The following ZSCAN4 variants were observed in gnomAD, a reference collection of about 807,000 sequenced individuals.
The protein encoded by ZSCAN4 is zinc finger and SCAN domain-containing protein 4.
A neutral mutation model predicts 18.3 loss-of-function variants in ZSCAN4; 18 were observed. The ratio of observed to expected loss-of-function variants is 0.98; its 90% CI spans 0.68 to 1.46. The LOEUF is 1.46. Ranked by LOEUF, ZSCAN4 falls within the 40% of genes most tolerant of loss-of-function variation. ZSCAN4 has a pLI of 0.00. For missense variants in ZSCAN4, 498 were observed against 511.4 expected (o/e 0.97, Z 0.25); for synonymous variants, 193 against 180.3 (o/e 1.07, Z -0.57).
chr19:57,660,075 T>C, the ZSCAN4 span, among the ~76,000 whole-genome samples: 1 of 152,196 alleles, frequency 6.6e-6, no homozygotes, highest in African/African-American at 2.4e-5. Flanking sequence ...GGTTCAGATG[T>C]CCTTTCCACA....
At position 57,678,339 on chromosome 19, in the gene ZSCAN4, G is replaced by C. The variant is rs146611683; in HGVS notation, c.736G>C (p.Ala246Pro). The C allele has an allele frequency of 3.0e-4, 490 of 1,614,034 alleles. No homozygotes were observed. Among genetic ancestry groups the C allele is most frequent in the Non-Finnish European group, 3.7e-4 (440 of 1,180,040 alleles). Reference sequence around the variant, plus strand: ...TGACAACCCATACAACTCAAAAAGAGCAGAGCTAGTCACTGCTAGATCTCA... The same window carrying C: ...TGACAACCCATACAACTCAAAAAGACCAGAGCTAGTCACTGCTAGATCTCA... The change falls in exon 5 of 5, where the codon GCA (alanine) becomes CCA (proline). Residue 246 changes from alanine to proline, a missense_variant. Physicochemically the swap from Ala to Pro is conservative, Grantham distance 27 (BLOSUM62 -1). Coordinates refer to ENST00000318203, the Ensembl canonical transcript of ZSCAN4.
chr19:57,652,741 G>A, the ZSCAN4 span, among the ~76,000 whole-genome samples: 7 of 152,266 alleles, frequency 4.6e-5, no homozygotes, highest in African/African-American at 9.6e-5. Context: ...TGTGGGAGAC[G>A]GCAGGGGCTG....
chr19:57,667,615 T>G (rs759456514), upstream of ZSCAN4, among the ~76,000 whole-genome samples: 1 of 152,232 alleles, frequency 6.6e-6, no homozygotes, highest in Non-Finnish European at 1.5e-5. Flanking sequence ...CTACTCTTAC[T>G]GATATCATCG....
the ZSCAN4 span, among the ~76,000 whole-genome samples, chr19:57,659,137 A>G: frequency 1.7e-3 from 257 of 152,256 alleles, 1 homozygote; most frequent in Admixed American, 4.1e-3. Context: ...TTTTCACTGT[A>G]AGTCCTACTA....
At chr19:57,664,065 A>T (rs1205640163), upstream of ZSCAN4, among the ~76,000 whole-genome samples, 2 of 152,190 alleles carry the variant, frequency 1.3e-5, no homozygotes, top group African/African-American at 4.8e-5. Flanking sequence ...CGGGAGGCGG[A>T]GGTTGCAGTA....
At chr19:57,673,176 G>C (rs12973350) in intron 2 of ZSCAN4, among the ~76,000 whole-genome samples, 52,330 of 151,850 alleles carry the variant, frequency 0.34, 9,335 homozygotes, top group Non-Finnish European at 0.39. Flanking sequence ...AGCCTACCGA[G>C]TAGCTGGAAT....
At chr19:57,669,322 G>T (rs1326051640) in intron 1 of ZSCAN4, 119 bp downstream of exon 1, 3 of 151,960 alleles carry the variant, frequency 2.0e-5, no homozygotes, top group African/African-American at 7.3e-5. Context: ...GCCTCCCAAA[G>T]TGCTGGGATT....
the ZSCAN4 span, among the ~76,000 whole-genome samples, chr19:57,653,787 G>A: frequency 2.1e-3 from 319 of 152,292 alleles, 11 homozygotes; most frequent in East Asian, 0.054. Flanking sequence ...GGGTCATTGG[G>A]CAAAAGCCTG....
intron 2 of ZSCAN4, among the ~76,000 whole-genome samples, chr19:57,674,832 A>G (rs1984127319): frequency 6.6e-6 from 1 of 151,688 alleles, no homozygotes; most frequent in Non-Finnish European, 1.5e-5. Context: ...TGTTTGAAAT[A>G]TTTTCTTTCC....
rs562133572 is a variant in ZSCAN4 at position 57,669,547 on chromosome 19, C to A, written c.-429+344C>A. ...GGTTCAAACAATTCTTCTGCTCAGC[C>A]TCCTGAATAGCTGGGACTACAGGCA... On this transcript the variant is annotated intron_variant, in intron 1 of 4. Transcript: ENST00000318203. Among the ~76,000 whole-genome samples, 8 of 152,272 alleles carry A rather than the reference C, an allele frequency of 5.3e-5. No homozygotes were observed. In the East Asian group the frequency reaches 1.5e-3, roughly 29 times the overall value.
Position 57,678,979 on chromosome 19 carries a change from A to G in ZSCAN4, c.*74A>G, listed in dbSNP as rs879125139. On this transcript the variant is annotated 3_prime_UTR_variant, in exon 5 of 5. Transcript: ENST00000318203. ...CCTATAGTATTTATCTACTTAGGAT[A>G]TAAGATATAATCTCCTGATTATGCT... The G allele has an allele frequency of 3.6e-5, 51 of 1,417,348 alleles. No homozygotes were observed. The South Asian group carries it at 6.8e-4, about 19-fold the overall frequency. The allele number at this position is 1,417,348 out of a possible 1,614,324, so 87.8% of individuals were successfully genotyped here.
the ZSCAN4 span, among the ~76,000 whole-genome samples, chr19:57,652,981 C>T: frequency 6.6e-6 from 1 of 152,104 alleles, no homozygotes; most frequent in Non-Finnish European, 1.5e-5. Context: ...CTGATGCTCT[C>T]CACCACCAAG....
chr19:57,678,976 G>T, exon 5 of ZSCAN4: 1 of 1,431,152 alleles, frequency 7.0e-7, no homozygotes, highest in Non-Finnish European at 9.2e-7. Context: ...ATCTACTTAG[G>T]ATATAAGATA....
intron 2 of ZSCAN4, among the ~76,000 whole-genome samples, chr19:57,675,754 T>G (rs1447204243): frequency 6.6e-6 from 1 of 152,236 alleles, no homozygotes; most frequent in Non-Finnish European, 1.5e-5. Flanking sequence ...ACTTCCTGCA[T>G]TTTGGAAATG....
intron 2 of ZSCAN4, among the ~76,000 whole-genome samples, chr19:57,674,867 C>T (rs1984128263): frequency 6.6e-6 from 1 of 151,856 alleles, no homozygotes; most frequent in African/African-American, 2.4e-5. Context: ...AGGGAGCAAT[C>T]CAATGTTTCA....
chr19:57,658,286 T>A, the ZSCAN4 span, among the ~76,000 whole-genome samples: 7 of 152,280 alleles, frequency 4.6e-5, no homozygotes, highest in Admixed American at 2.6e-4. Context: ...AAAACTCAAG[T>A]GGCAAAATGC....
upstream of ZSCAN4, among the ~76,000 whole-genome samples, chr19:57,666,237 G>A (rs956629639): frequency 6.6e-6 from 1 of 152,144 alleles, no homozygotes; most frequent in Non-Finnish European, 1.5e-5. Flanking sequence ...GATGCGCCCT[G>A]GAGAATTTCC....
exon 3 of ZSCAN4, chr19:57,676,063 C>T: frequency 7.4e-7 from 1 of 1,350,222 alleles, no homozygotes; most frequent in South Asian, 1.5e-5. Flanking sequence ...AAGAATCCAC[C>T]AACTGTTGAA....
the ZSCAN4 span, among the ~76,000 whole-genome samples, chr19:57,661,868 G>A: frequency 6.6e-6 from 1 of 152,080 alleles, no homozygotes. Context: ...GAAAATCTGA[G>A]GTCAGGAGTT....
Sources: gnomAD v4.1 joint callset for allele counts (sites outside exome capture counted in the v4.1 genomes callset) on GRCh38, gnomAD v4.1.1 for gene constraint, MANE v1.5 for transcripts, NCBI Gene and HGNC (gene_info 2026-07-23, HGNC 2026-07-21) for gene names.